The following FREM3 variants were observed in gnomAD, a reference collection of about 807,000 sequenced individuals.
FREM3 encodes FRAS1 related extracellular matrix 3.
Under a neutral mutation model 129.1 loss-of-function variants are expected in FREM3, and 105 were observed. The ratio of observed to expected loss-of-function variants is 0.81; its 90% CI spans 0.69 to 0.96. The LOEUF is 0.96. Ranked by LOEUF, FREM3 falls within the 40% of genes least tolerant of loss-of-function variation. The pLI is 0.00. For synonymous variants in FREM3, 1,014 were observed against 1,044.9 expected, an observed-to-expected ratio of 0.97 and a Z score of 0.57; for missense variants, 2,593 against 2,666.3, an observed-to-expected ratio of 0.97 and a Z score of 0.61.
At chr4:143,588,711 C>T (rs1738292741) in intron 6 of FREM3, among the ~76,000 whole-genome samples, 1 of 151,652 alleles carries the variant, frequency 6.6e-6, no homozygotes, top group Admixed American at 6.6e-5. Context: ...CATACGTGTG[C>T]ATGTGTCTTT....
chr4:143,681,294 A>C (rs1740243983), intron 2 of FREM3, among the ~76,000 whole-genome samples: 1 of 152,102 alleles, frequency 6.6e-6, no homozygotes, highest in South Asian at 2.1e-4. Context: ...CTTTATTGAT[A>C]TATTAAGTGC....
chr4:143,693,082 G>T, intron 2 of FREM3, 31 bp downstream of exon 2: 3 of 1,139,782 alleles, frequency 2.6e-6, no homozygotes, highest in South Asian at 1.7e-5. Flanking sequence ...AGTTAACCAT[G>T]AATCCTTTTG....
Position 143,611,518 on chromosome 4 carries a change from G to A in FREM3, c.5789C>T (p.Thr1930Ile). The change falls in exon 6 of 8, where the codon ACA (threonine) becomes ATA (isoleucine). Residue 1930 changes from threonine (T) to isoleucine (I), a missense_variant. Thr to Ile is a moderately conservative substitution (Grantham distance 89). Coordinates refer to ENST00000329798, the MANE Select transcript of FREM3 (RefSeq NM_001168235.2). ...TAACACTGTGGAAGAAATCGTGCCT[G>A]TGGCAGAACCTACAGAAATATGAGA... ...VICSTRQGSA[T>I]GTISSTVLFS... The A allele has an allele frequency of 6.5e-7, 1 of 1,536,944 alleles. No homozygotes were observed. The highest frequency in any genetic ancestry group is 8.7e-7 in the Non-Finnish European group (1 of 1,146,694).
At chr4:143,597,782 A>G (rs2149836760) in intron 6 of FREM3, among the ~76,000 whole-genome samples, 1 of 152,352 alleles carries the variant, frequency 6.6e-6, no homozygotes, top group East Asian at 1.9e-4. Flanking sequence ...GAAGACATAC[A>G]AATGGAAAGA....
At chr4:143,677,457 C>A in intron 2 of FREM3, among the ~76,000 whole-genome samples, 1 of 152,172 alleles carries the variant, frequency 6.6e-6, no homozygotes, top group East Asian at 1.9e-4. Context: ...AAAACCTAGG[C>A]AATACCATTC....
At position 143,621,110 on chromosome 4, in the gene FREM3, CCCAATGT is replaced by C; in HGVS notation, c.5699_5705del (p.Asp1900GlyfsTer4). 6.5e-7 allele frequency: 1 copy of C among 1,536,868 alleles called. No individual in the cohort carries two copies. Among genetic ancestry groups the C allele is most frequent in the Non-Finnish European group, 8.7e-7 (1 of 1,146,606 alleles). Reference sequence around the variant, plus strand: ...ATCGTCTTACTGGAATCAAAAGTTCCCCAATGTCCTCTTCTATTTTGTATTCCGCCTC... The same window carrying C: ...ATCGTCTTACTGGAATCAAAAGTTCCCCTCTTCTATTTTGTATTCCGCCTC... On this transcript the variant is annotated frameshift_variant, in exon 5 of 8. Coordinates refer to ENST00000329798, the MANE Select transcript of FREM3 (RefSeq NM_001168235.2). LOFTEE classifies it high-confidence loss of function.
intron 6 of FREM3, among the ~76,000 whole-genome samples, chr4:143,608,303 C>G (rs2149838719): frequency 6.6e-6 from 1 of 152,264 alleles, no homozygotes; most frequent in African/African-American, 2.4e-5. Flanking sequence ...CATACAAACA[C>G]TAATATTTTG....
chr4:143,636,700 T>A (rs1450917498), intron 2 of FREM3, among the ~76,000 whole-genome samples: 1 of 152,058 alleles, frequency 6.6e-6, no homozygotes, highest in African/African-American at 2.4e-5. Context: ...TTCTAATTTC[T>A]AATATAATCT....
At chr4:143,674,747 C>T (rs1740075208) in intron 2 of FREM3, among the ~76,000 whole-genome samples, 1 of 152,086 alleles carries the variant, frequency 6.6e-6, no homozygotes, top group Admixed American at 6.6e-5. Flanking sequence ...CAATCCTAGT[C>T]TCTGATAAAA....
chr4:143,632,920 A>T (rs1204693386), intron 2 of FREM3, among the ~76,000 whole-genome samples: 1 of 152,216 alleles, frequency 6.6e-6, no homozygotes, highest in Non-Finnish European at 1.5e-5. Context: ...CATGGGTTGG[A>T]CAAGCTTGAC....
At chr4:143,657,796 T>G (rs761602853) in intron 2 of FREM3, among the ~76,000 whole-genome samples, 6 of 152,120 alleles carry the variant, frequency 3.9e-5, no homozygotes, top group Non-Finnish European at 8.8e-5. Flanking sequence ...GCCATAGGCA[T>G]AGTAAATACT....
In FREM3 at chr4:143,699,378, G is replaced by T; in HGVS notation, c.1298C>A (p.Pro433Gln). ...VTVKSMNTLVPVASHNRGLVL... is the reference protein window; with the variant it reads ...VTVKSMNTLVQVASHNRGLVL... ...AAGTCCCCTGTTATGGCTAGCCACT[G>T]GGACCAGAGTATTCATGGATTTCAC... Residue 433 changes from proline to glutamine, a missense_variant, in exon 1 of 8, where the codon CCA becomes CAA. Transcript: ENST00000329798. The surrounding 1 kb of genome is among the most constrained non-coding windows in gnomAD (Gnocchi z 4.2). 6.5e-7 allele frequency: 1 copy of T among 1,537,314 alleles called. No homozygotes were observed. The highest frequency in any genetic ancestry group is 1.2e-5 in the South Asian group (1 of 84,066).
At chr4:143,672,523 C>T (rs1740018002) in intron 2 of FREM3, among the ~76,000 whole-genome samples, 2 of 152,208 alleles carry the variant, frequency 1.3e-5, no homozygotes, top group African/African-American at 2.4e-5. Flanking sequence ...CTGCCCTTAA[C>T]ATTTTTTCCT....
Position 143,699,909 on chromosome 4 carries a change from G to A in FREM3, c.767C>T (p.Ala256Val). ...LRAGVRYQHTATSSPNRDYVP... is the reference protein window; with the variant it reads ...LRAGVRYQHTVTSSPNRDYVP... ...GTAGTCACGGTTGGGCGAGGAGGTG[G>A]CTGTGTGCTGATAGCGCACCCCAGC... The change falls in exon 1 of 8, where the codon GCC becomes GTC. Residue 256 changes from alanine to valine, a missense_variant. Ala to Val is a moderately conservative substitution (Grantham distance 64). Around this residue, in one of 2 missense-constraint regions of FREM3, gnomAD observed 2,276 missense variants for 2,267.2 expected, o/e 1.00. Coordinates refer to ENST00000329798, the MANE Select transcript of FREM3 (RefSeq NM_001168235.2). The surrounding 1 kb of genome is among the most constrained non-coding windows in gnomAD (Gnocchi z 4.2). The A allele has an allele frequency of 6.5e-7, 1 of 1,536,306 alleles. No homozygotes were observed. Among genetic ancestry groups the A allele is most frequent in the East Asian group, 2.4e-5 (1 of 40,890 alleles).
intron 7 of FREM3, among the ~76,000 whole-genome samples, chr4:143,580,416 C>T (rs549525127): frequency 6.6e-6 from 1 of 152,240 alleles, no homozygotes; most frequent in South Asian, 2.1e-4. Context: ...CTGGAAATCC[C>T]CCATGACCAC....
chr4:143,648,337 A>G (rs1019785856), intron 2 of FREM3, among the ~76,000 whole-genome samples: 1 of 152,242 alleles, frequency 6.6e-6, no homozygotes, highest in Non-Finnish European at 1.5e-5. Context: ...TAATTCTGGA[A>G]TGAGTTAAAA....
intron 2 of FREM3, among the ~76,000 whole-genome samples, chr4:143,679,502 G>A (rs572791080): frequency 6.6e-6 from 1 of 152,248 alleles, no homozygotes; most frequent in Admixed American, 6.5e-5. Context: ...TATATAATCA[G>A]CGGTTTCAGC....
Position 143,700,467 on chromosome 4 carries a change from C to T in FREM3, c.209G>A (p.Arg70Gln), listed in dbSNP as rs753604844. The change falls in exon 1 of 8, where the codon CGG (arginine) becomes CAG (glutamine). Residue 70 changes from arginine to glutamine, a missense_variant. Arg to Gln is a conservative substitution (Grantham distance 43). Around this residue, in one of 2 missense-constraint regions of FREM3, gnomAD observed 2,276 missense variants for 2,267.2 expected, o/e 1.00. Coordinates refer to ENST00000329798, the MANE Select transcript of FREM3 (RefSeq NM_001168235.2). ...PSVLIANPGL[R>Q]VPLGRSLWLD... ...CCAAAGGGAACGACCCAGGGGCACC[C>T]GGAGTCCAGGGTTGGCAATCAGCAC... is the stretch of plus-strand genomic sequence containing the variant. The T allele has an allele frequency of 1.4e-5, 21 of 1,511,406 alleles. No homozygotes were observed. The highest frequency in any genetic ancestry group is 1.7e-4 in the Middle Eastern group (1 of 5,882). The allele number at this position is 1,511,406 out of a possible 1,614,324, so 93.6% of individuals were successfully genotyped here. A position where few individuals can be genotyped will look rare whatever the true frequency, so the allele number is the denominator to read the frequency against.
At chr4:143,594,516 C>G (rs1308776513) in intron 6 of FREM3, among the ~76,000 whole-genome samples, 1 of 152,154 alleles carries the variant, frequency 6.6e-6, no homozygotes, top group Non-Finnish European at 1.5e-5. Context: ...ATTTTTAACT[C>G]TCTTCTGATG....
Sources: gnomAD v4.1 joint callset for allele counts (sites outside exome capture counted in the v4.1 genomes callset) on GRCh38, gnomAD v4.1.1 for gene constraint, gnomAD v4.1.1 regional missense constraint, Gnocchi (gnomAD v3.1) non-coding constraint, MANE v1.5 for transcripts, NCBI Gene and HGNC (gene_info 2026-07-23, HGNC 2026-07-21) for gene names.